CCDC85A: variants seen among roughly 807,000 people sequenced by gnomAD.
CCDC85A encodes coiled-coil domain-containing protein 85A.
In CCDC85A, 38 loss-of-function variants were observed where a neutral mutation model predicts 50.2. The observed-to-expected ratio is 0.76, with a 90% CI of 0.58 to 0.99. The LOEUF (loss-of-function observed/expected upper bound fraction) is 0.99. Among genes scored for constraint, CCDC85A ranks in the 50% least tolerant of loss-of-function variants. The pLI, the probability that CCDC85A is intolerant of heterozygous loss-of-function variation, is 0.00. For missense variants in CCDC85A, 820 were observed against 742.0 expected (o/e 1.11, Z -1.22); for synonymous variants, 366 against 301.4 (o/e 1.21, Z -2.22).
intron 2 of CCDC85A, among the ~76,000 whole-genome samples, chr2:56,239,474 G>T (rs1360377954): frequency 1.3e-5 from 2 of 152,082 alleles, no homozygotes; most frequent in Non-Finnish European, 2.9e-5. Flanking sequence ...ACATGTTGCT[G>T]GGAGGTAGCC....
chr2:56,377,554 T>A (rs780119691), intron 5 of CCDC85A, among the ~76,000 whole-genome samples: 11 of 152,148 alleles, frequency 7.2e-5, no homozygotes, highest in Non-Finnish European at 1.5e-4. Flanking sequence ...TCAAAGCAGC[T>A]GTTAGTGTGG....
intron 3 of CCDC85A, among the ~76,000 whole-genome samples, chr2:56,352,741 C>G (rs1675018040): frequency 6.6e-6 from 1 of 152,214 alleles, no homozygotes; most frequent in South Asian, 2.1e-4. Context: ...ATAGCAGTGA[C>G]TTTGGACTCT....
chr2:56,327,841 A>T (rs953873305), intron 2 of CCDC85A, among the ~76,000 whole-genome samples: 1 of 151,900 alleles, frequency 6.6e-6, no homozygotes, highest in Non-Finnish European at 1.5e-5. Flanking sequence ...CAAAAAAAAA[A>T]AAAAAAAAAA....
chr2:56,192,839 C>G lies in CCDC85A; in HGVS notation c.639C>G (p.Thr213=). 1 of 1,613,414 alleles carries G rather than the reference C, an allele frequency of 6.2e-7. No homozygotes were observed. The highest frequency in any genetic ancestry group is 8.5e-7 in the Non-Finnish European group (1 of 1,179,688). ...GGGATGTGGGTGACGGCAGCAGCAC[C>G]TCCAGCACTGGCAGCACTGACAGCC... ...YVRDVGDGSS[T]SSTGSTDSPD... is the part of the protein sequence containing the mutation. Residue 213 remains threonine (T), a synonymous_variant, in exon 2 of 6, where the codon ACC becomes ACG. Coordinates refer to ENST00000407595, the MANE Select transcript of CCDC85A (RefSeq NM_001080433.2). This position sits in a 1 kb window ranked among gnomAD's most constrained non-coding sequence, Gnocchi z 4.7.
chr2:56,248,558 C>T (rs182808215), intron 2 of CCDC85A, among the ~76,000 whole-genome samples: 2 of 152,328 alleles, frequency 1.3e-5, no homozygotes, highest in Non-Finnish European at 2.9e-5. Context: ...TTGACTCAGT[C>T]CTGCCTGGGG....
chr2:56,339,276 C>T (rs1326549948), intron 2 of CCDC85A, among the ~76,000 whole-genome samples: 1 of 152,166 alleles, frequency 6.6e-6, no homozygotes, highest in Admixed American at 6.5e-5. Flanking sequence ...AAACTATGCT[C>T]TGTCTCTTCC....
chr2:56,373,436 A>T (rs138924703), intron 4 of CCDC85A, among the ~76,000 whole-genome samples: 1 of 152,250 alleles, frequency 6.6e-6, no homozygotes, highest in Non-Finnish European at 1.5e-5. Flanking sequence ...CTTTGTTTAC[A>T]TTTAAACAAT....
chr2:56,378,565 G>T (rs1383941828), intron 5 of CCDC85A, among the ~76,000 whole-genome samples: 4 of 152,284 alleles, frequency 2.6e-5, no homozygotes, highest in African/African-American at 9.6e-5. Flanking sequence ...TGTAAAGAAG[G>T]TAAATTAACT....
intron 2 of CCDC85A, among the ~76,000 whole-genome samples, chr2:56,340,070 G>T (rs184358871): frequency 1.2e-4 from 18 of 152,250 alleles, no homozygotes; most frequent in African/African-American, 4.1e-4. Flanking sequence ...AGGTCTGTGG[G>T]TCATCATGTT....
chr2:56,377,702 C>T (rs1204751783), intron 5 of CCDC85A, among the ~76,000 whole-genome samples: 1 of 152,066 alleles, frequency 6.6e-6, no homozygotes, highest in African/African-American at 2.4e-5. Flanking sequence ...GCCTGGCCAA[C>T]ATAGTGAAAC....
rs1676129886 is a variant in CCDC85A, at chr2:56,372,556, C to A, written c.1452+78C>A. ...TTCTGTTGCTAGAGAAAAAGTTATA[C>A]TGGGGGGTAGAAAACAAGTTCATAC... On this transcript the variant is annotated intron_variant, in intron 4 of 5. Coordinates refer to ENST00000407595, the MANE Select transcript of CCDC85A (RefSeq NM_001080433.2). 5.8e-6 allele frequency: 8 copies of A among 1,368,386 alleles called. No homozygotes were observed. The East Asian group carries it at 2.2e-4, about 38-fold the overall frequency. The allele number at this position is 1,368,386 out of a possible 1,614,324, so 84.8% of individuals were successfully genotyped here. A position where few individuals can be genotyped will look rare whatever the true frequency, so the allele number is the denominator to read the frequency against.
chr2:56,314,074 G>A (rs993805205), intron 2 of CCDC85A, among the ~76,000 whole-genome samples: 2 of 148,586 alleles, frequency 1.3e-5, no homozygotes, highest in African/African-American at 5.0e-5. Flanking sequence ...GCTAGGAGTT[G>A]AGATTGGATC....
intron 2 of CCDC85A, among the ~76,000 whole-genome samples, chr2:56,228,261 A>G (rs1408857423): frequency 1.3e-5 from 2 of 152,104 alleles, no homozygotes; most frequent in Non-Finnish European, 1.5e-5. Flanking sequence ...GCACACCAAC[A>G]TGGCACATGT....
At position 56,184,318 on chromosome 2, in the gene CCDC85A, T is replaced by G; in HGVS notation, c.-307T>G. 3 of 607,286 alleles carry G rather than the reference T, an allele frequency of 4.9e-6. No individual in the cohort carries two copies. Among genetic ancestry groups the G allele is most frequent in the Non-Finnish European group, 4.4e-6 (2 of 454,658 alleles). The allele number at this position is 607,286 out of a possible 1,614,324, so 37.6% of individuals were successfully genotyped here. ...GCAGCTCCCCCGCTGTCCCCGAGGA[T>G]TTCCCGCGGCAGCCCCGGGCTCCCC... On this transcript the variant is annotated 5_prime_UTR_variant, in exon 1 of 6. Transcript: ENST00000407595.
intron 2 of CCDC85A, among the ~76,000 whole-genome samples, chr2:56,217,078 C>T (rs886395798): frequency 4.6e-5 from 7 of 151,876 alleles, no homozygotes; most frequent in African/African-American, 1.4e-4. Flanking sequence ...GCTGCTTTTC[C>T]TCTGTCAGAC....
intron 2 of CCDC85A, among the ~76,000 whole-genome samples, chr2:56,199,676 C>T (rs536554318): frequency 3.3e-5 from 5 of 152,188 alleles, no homozygotes; most frequent in African/African-American, 9.6e-5. Flanking sequence ...AACTCATTTT[C>T]TCATTGTTTC....
chr2:56,280,302 T>G (rs1671149210), intron 2 of CCDC85A, among the ~76,000 whole-genome samples: 1 of 152,224 alleles, frequency 6.6e-6, no homozygotes, highest in African/African-American at 2.4e-5. Flanking sequence ...TTTTTGAACC[T>G]TGGCTTTTTA....
At chr2:56,335,109 A>T (rs888795419) in intron 2 of CCDC85A, among the ~76,000 whole-genome samples, 7 of 152,204 alleles carry the variant, frequency 4.6e-5, no homozygotes, top group African/African-American at 7.2e-5. Context: ...AATTTTTTTT[A>T]AAATAAGAAA....
At chr2:56,310,385 T>C (rs17047777) in intron 2 of CCDC85A, among the ~76,000 whole-genome samples, 4,042 of 152,212 alleles carry the variant, frequency 0.027, 188 homozygotes, top group East Asian at 0.2. Context: ...TGGTACTCAG[T>C]CCTGTCAATT....
Sources: gnomAD v4.1 joint callset for allele counts (sites outside exome capture counted in the v4.1 genomes callset) on GRCh38, gnomAD v4.1.1 for gene constraint, Gnocchi (gnomAD v3.1) non-coding constraint, MANE v1.5 for transcripts, NCBI Gene and HGNC (gene_info 2026-07-23, HGNC 2026-07-21) for gene names.